The following AUH variants were observed in gnomAD, a reference collection of about 807,000 sequenced individuals.
AUH encodes methylglutaconyl-CoA hydratase, mitochondrial.
Under a neutral mutation model 42.3 loss-of-function variants are expected in AUH, and 29 were observed. The ratio of observed to expected loss-of-function variants is 0.69; its 90% CI spans 0.51 to 0.93. The LOEUF is 0.93. Ranked by LOEUF, AUH falls within the 40% of genes least tolerant of loss-of-function variation. AUH has a pLI of 0.00. For missense variants in AUH, 452 were observed against 438.1 expected, an observed-to-expected ratio of 1.03 and a Z score of -0.28; for synonymous variants, 174 against 166.4, an observed-to-expected ratio of 1.05 and a Z score of -0.35.
At chr9:91,216,276 C>T (rs924649663) in intron 8 of AUH, among the ~76,000 whole-genome samples, 170 bp from the exon 9 acceptor site, 2 of 152,158 alleles carry the variant, frequency 1.3e-5, no homozygotes, top group Non-Finnish European at 2.9e-5. Context: ...TTCCTGGGTT[C>T]GTCCTGACTC....
chr9:91,324,443 C>G (rs755087963), intron 4 of AUH, among the ~76,000 whole-genome samples: 41 of 148,764 alleles, frequency 2.8e-4, no homozygotes, highest in Non-Finnish European at 5.5e-4. Flanking sequence ...TTGGAGGTTA[C>G]AGTGAGCTAT....
intron 4 of AUH, among the ~76,000 whole-genome samples, chr9:91,306,592 T>G (rs1411170111): frequency 1.3e-5 from 2 of 152,230 alleles, no homozygotes; most frequent in Admixed American, 1.3e-4. Context: ...AAGCTTTTTA[T>G]AAATGTAGAC....
Position 91,337,874 on chromosome 9 carries a change from T to C in AUH, c.419-12470A>G, listed in dbSNP as rs367912647. Reference sequence around the variant, plus strand: ...AGCTCTAATGATTACAGAAAGTTTCTAGGTAATGTCTGGAGAGGATCAAGT... The same window carrying C: ...AGCTCTAATGATTACAGAAAGTTTCCAGGTAATGTCTGGAGAGGATCAAGT... On this transcript the variant is annotated intron_variant, in intron 3 of 9. Transcript: ENST00000375731. Among the ~76,000 whole-genome samples, 21 of 152,332 alleles carry C rather than the reference T, an allele frequency of 1.4e-4. No homozygotes were observed. The East Asian group carries it at 2.7e-3, about 20-fold the overall frequency.
chr9:91,223,838 T>C lies in AUH; in HGVS notation c.656-2846A>G, dbSNP rs35196384. On this transcript the variant is annotated intron_variant, in intron 6 of 9. Transcript: ENST00000375731. ...TTTGGATAAACAAAGAAATTGACCC[T>C]TCTGCTGTTAAAGTTTGAAACTTGC... Among the ~76,000 whole-genome samples, 1,498 of 152,296 alleles carry C rather than the reference T, an allele frequency of 9.8e-3. 18 individuals carry two copies. The highest frequency in any genetic ancestry group is 0.014 in the Non-Finnish European group (952 of 68,024).
intron 4 of AUH, among the ~76,000 whole-genome samples, chr9:91,319,386 G>A (rs1024108489): frequency 6.6e-6 from 1 of 152,188 alleles, no homozygotes; most frequent in Non-Finnish European, 1.5e-5. Flanking sequence ...CACGAGCAGA[G>A]TTGGAAAGGG....
chr9:91,232,696 G>A (rs769385185), intron 6 of AUH, among the ~76,000 whole-genome samples: 1 of 152,198 alleles, frequency 6.6e-6, no homozygotes, highest in East Asian at 1.9e-4. Flanking sequence ...TCTAATGTGT[G>A]AATGCTTAGA....
chr9:91,262,546 A>G (rs2131451594), intron 6 of AUH, among the ~76,000 whole-genome samples: 1 of 152,338 alleles, frequency 6.6e-6, no homozygotes, highest in East Asian at 1.9e-4. Flanking sequence ...CTATTTCAAT[A>G]ACAGCTATTA....
chr9:91,312,784 T>C (rs918404407), intron 4 of AUH, among the ~76,000 whole-genome samples: 20 of 152,114 alleles, frequency 1.3e-4, no homozygotes, highest in Non-Finnish European at 2.1e-4. Context: ...GGAGTCAGTG[T>C]GAGCAGGCCC....
intron 6 of AUH, among the ~76,000 whole-genome samples, chr9:91,289,623 C>T (rs1704737253): frequency 6.6e-6 from 1 of 152,124 alleles, no homozygotes; most frequent in Non-Finnish European, 1.5e-5. Flanking sequence ...AATGTTTATA[C>T]CCAAAAGGAG....
At chr9:91,270,220 G>A (rs899546077) in intron 6 of AUH, among the ~76,000 whole-genome samples, 3 of 152,134 alleles carry the variant, frequency 2.0e-5, no homozygotes, top group South Asian at 2.1e-4. Flanking sequence ...AGAGACCAGA[G>A]AGACCAACTG....
At chr9:91,277,107 T>C (rs1449380420) in intron 6 of AUH, among the ~76,000 whole-genome samples, 1 of 152,212 alleles carries the variant, frequency 6.6e-6, no homozygotes, top group African/African-American at 2.4e-5. Context: ...GGAAGATCAG[T>C]TGAGCCCAGG....
rs1827089445 is a variant in AUH, at chr9:91,220,825, C to T, written c.823G>A (p.Ala275Thr). The change falls in exon 7 of 10, where the codon GCG becomes ACG. Residue 275 changes from alanine (A) to threonine (T), a missense_variant. Transcript: ENST00000375731. ...DAAYRKALDL[A>T]REFLPQGPVA... is the part of the protein sequence containing the mutation. ...AATACCTGAGGTAAAAACTCTCTCG[C>T]CAGGTCCAAGGCCTTCCTGTAGGCC... is the stretch of plus-strand genomic sequence containing the variant. 23 of 1,614,092 alleles carry T rather than the reference C, an allele frequency of 1.4e-5. No individual in the cohort carries two copies. Among genetic ancestry groups the T allele is most frequent in the Non-Finnish European group, 1.9e-5 (22 of 1,180,054 alleles).
At chr9:91,240,534 T>C (rs746144887) in intron 6 of AUH, among the ~76,000 whole-genome samples, 1 of 152,184 alleles carries the variant, frequency 6.6e-6, no homozygotes, top group African/African-American at 2.4e-5. Context: ...TCTGGAGCTG[T>C]ACTTCCAGGG....
intron 3 of AUH, among the ~76,000 whole-genome samples, chr9:91,327,180 G>A (rs140160466): frequency 5.9e-5 from 9 of 152,124 alleles, no homozygotes; most frequent in South Asian, 2.1e-4. Context: ...TATATACTCC[G>A]CCCTGCCTCC....
chr9:91,226,526 C>A (rs1420055332), intron 6 of AUH, among the ~76,000 whole-genome samples: 4 of 150,870 alleles, frequency 2.7e-5, no homozygotes, highest in Non-Finnish European at 4.4e-5. Context: ...ATGGTAGTTT[C>A]TTTTGCTGTG....
At chr9:91,325,452 T>C (rs1308992038) in intron 3 of AUH, 48 bp from the exon 4 acceptor site, 4 of 1,526,046 alleles carry the variant, frequency 2.6e-6, no homozygotes, top group East Asian at 2.3e-5. Flanking sequence ...AAACAAAATT[T>C]TAAGGCAAAG....
intron 8 of AUH, 121 bp from the exon 9 acceptor site, chr9:91,216,227 C>G (rs1254205457): frequency 1.0e-6 from 1 of 989,550 alleles, no homozygotes; most frequent in African/African-American, 1.6e-5. Context: ...TATAGTACAG[C>G]AGATCAGAGT....
chr9:91,237,431 G>A (rs1258683766), intron 6 of AUH, among the ~76,000 whole-genome samples: 2 of 152,104 alleles, frequency 1.3e-5, no homozygotes, highest in African/African-American at 4.8e-5. Context: ...CACTCAAAAT[G>A]GATATCTTTG....
intron 3 of AUH, among the ~76,000 whole-genome samples, chr9:91,350,836 A>G (rs1029303281): frequency 6.6e-6 from 1 of 152,148 alleles, no homozygotes; most frequent in Non-Finnish European, 1.5e-5. Context: ...TTCCAAAAAA[A>G]GAAAAATACA....
Sources: allele counts gnomAD v4.1 joint callset (sites outside exome capture counted in the v4.1 genomes callset), GRCh38; gene constraint gnomAD v4.1.1; transcripts MANE v1.5; gene names NCBI Gene and HGNC (gene_info 2026-07-23, HGNC 2026-07-21).